MTUS2: variants seen among roughly 807,000 people sequenced by gnomAD.
MTUS2 encodes microtubule associated scaffold protein 2.
A neutral mutation model predicts 114.1 loss-of-function variants in MTUS2; 40 were observed. The ratio of observed to expected loss-of-function variants is 0.35; its 90% CI spans 0.27 to 0.46. MTUS2 has a LOEUF of 0.46. Among genes scored for constraint, MTUS2 ranks in the 20% least tolerant of loss-of-function variants. The pLI is 1.00. For missense variants in MTUS2, 1,679 were observed against 1,705.4 expected (o/e 0.98, Z 0.27); for synonymous variants, 688 against 672.0 (o/e 1.02, Z -0.37).
At chr13:29,139,621 T>A (rs67879516) in intron 5 of MTUS2, among the ~76,000 whole-genome samples, 21,205 of 152,222 alleles carry the variant, frequency 0.14, 1,741 homozygotes, top group East Asian at 0.25. Flanking sequence ...ACTATCTCGT[T>A]ATCTTCACTC....
At chr13:28,897,866 C>G (rs1417944979) in intron 2 of MTUS2, among the ~76,000 whole-genome samples, 1 of 136,090 alleles carries the variant, frequency 7.3e-6, no homozygotes. Flanking sequence ...AACATGGACA[C>G]AAGAAGGGGA....
intron 3 of MTUS2, among the ~76,000 whole-genome samples, chr13:29,031,272 T>TGTGTGTGTGTGTGTGTGTGTGTGTG (rs1593400903): frequency 1.5e-5 from 2 of 134,212 alleles, no homozygotes. Context: ...GTGTGTGTGG[T>TGTGTGTGTGTGTGTGTGTGTGTGTG]GTGTGTTCAC....
chr13:29,383,858 G>A (rs568990480), intron 8 of MTUS2, among the ~76,000 whole-genome samples: 1 of 152,272 alleles, frequency 6.6e-6, no homozygotes, highest in East Asian at 1.9e-4. Flanking sequence ...ACCATCCACA[G>A]GCCACTTACA....
At chr13:29,262,025 C>T (rs1047268092) in intron 5 of MTUS2, among the ~76,000 whole-genome samples, 1 of 152,168 alleles carries the variant, frequency 6.6e-6, no homozygotes, top group Non-Finnish European at 1.5e-5. Flanking sequence ...TGTGACTGGG[C>T]AAATATTAAA....
At chr13:29,293,064 T>G (rs1566113670) in intron 6 of MTUS2, among the ~76,000 whole-genome samples, 1 of 152,222 alleles carries the variant, frequency 6.6e-6, no homozygotes, top group Non-Finnish European at 1.5e-5. Context: ...ATATGGAAAG[T>G]CTTTTTTAGT....
intron 2 of MTUS2, among the ~76,000 whole-genome samples, chr13:28,994,768 T>A (rs1478564689): frequency 6.6e-6 from 1 of 152,164 alleles, no homozygotes; most frequent in Admixed American, 6.5e-5. Context: ...TTCTTGTAAA[T>A]TTGTTTGAGT....
At chr13:29,303,576 C>A (rs748086344) in intron 6 of MTUS2, among the ~76,000 whole-genome samples, 1 of 151,760 alleles carries the variant, frequency 6.6e-6, no homozygotes, top group Non-Finnish European at 1.5e-5. Context: ...GACAGGCAGA[C>A]AAGAATAGAG....
Position 29,316,505 on chromosome 13 carries a change from C to A in MTUS2, c.2807-8108C>A, listed in dbSNP as rs559301278. ...CCTTCCTGCCCTCTCCCCAACACCC[C>A]GACTCTCTTCTAAGCTTTCTCACCC... On this transcript the variant is annotated intron_variant, in intron 6 of 15. Coordinates refer to ENST00000612955, the MANE Select transcript of MTUS2 (RefSeq NM_001033602.4). Among the ~76,000 whole-genome samples, 7 of 152,274 alleles carry A rather than the reference C, an allele frequency of 4.6e-5. No individual in the cohort carries two copies. The East Asian group carries it at 1.4e-3, about 29-fold the overall frequency.
chr13:29,058,346 T>G (rs1684419028), intron 4 of MTUS2, among the ~76,000 whole-genome samples: 1 of 152,016 alleles, frequency 6.6e-6, no homozygotes, highest in African/African-American at 2.4e-5. Flanking sequence ...GGGGAAATGT[T>G]CATGGGTGAT....
intron 9 of MTUS2, among the ~76,000 whole-genome samples, chr13:29,478,575 C>T (rs1401998123): frequency 6.6e-6 from 1 of 152,122 alleles, no homozygotes; most frequent in Non-Finnish European, 1.5e-5. Flanking sequence ...AGTCTTTTTC[C>T]ATCAATATTG....
intron 9 of MTUS2, among the ~76,000 whole-genome samples, chr13:29,475,297 G>A (rs377292639): frequency 5.7e-4 from 87 of 152,320 alleles, no homozygotes; most frequent in African/African-American, 1.9e-3. Context: ...TCGTATAAAA[G>A]TCTAGCACAT....
chr13:29,246,255 A>C (rs1228748318), intron 5 of MTUS2, among the ~76,000 whole-genome samples: 2 of 152,212 alleles, frequency 1.3e-5, no homozygotes, highest in Non-Finnish European at 2.9e-5. Flanking sequence ...AAGGATTTAA[A>C]AGGGACAGCA....
chr13:29,090,905 T>A (rs1022327766), intron 4 of MTUS2, among the ~76,000 whole-genome samples: 7 of 152,192 alleles, frequency 4.6e-5, no homozygotes, highest in Non-Finnish European at 1.0e-4. Flanking sequence ...CAGGCAGTTC[T>A]CCCCATGAAT....
At chr13:28,918,398 T>G (rs560366358) in intron 2 of MTUS2, among the ~76,000 whole-genome samples, 1 of 152,164 alleles carries the variant, frequency 6.6e-6, no homozygotes, top group East Asian at 1.9e-4. Flanking sequence ...CTTGCTGAAT[T>G]GACCACCTTA....
chr13:29,271,441 C>T (rs773296762), intron 5 of MTUS2, among the ~76,000 whole-genome samples: 25 of 152,344 alleles, frequency 1.6e-4, no homozygotes, highest in Non-Finnish European at 3.1e-4. Context: ...CATCCCTTCT[C>T]CTTCACAGTT....
intron 9 of MTUS2, among the ~76,000 whole-genome samples, chr13:29,455,840 G>C (rs1056448326): frequency 2.0e-5 from 3 of 152,072 alleles, no homozygotes. Flanking sequence ...AATTAGCTGG[G>C]CATGGTGGTG....
At position 28,865,338 on chromosome 13, in the gene MTUS2, G is replaced by GGA. The variant is rs375034680; in HGVS notation, c.-243+25490_-243+25491dup. On this transcript the variant is annotated intron_variant, in intron 2 of 15. Coordinates refer to ENST00000612955, the MANE Select transcript of MTUS2 (RefSeq NM_001033602.4). Reference sequence around the variant, plus strand: ...TCAGAGTAATGAGCATGGTGCTAATGGAGTCCTTTTTATTTTCATGGTGGT... The same window carrying GGA: ...TCAGAGTAATGAGCATGGTGCTAATGGAGAGTCCTTTTTATTTTCATGGTGGT... Among the ~76,000 whole-genome samples the GGA allele has an allele frequency of 8.1e-3, 1,228 of 152,270 alleles. 14 individuals carry two copies. The highest frequency in any genetic ancestry group is 0.028 in the African/African-American group (1,164 of 41,556).
intron 8 of MTUS2, among the ~76,000 whole-genome samples, chr13:29,423,894 C>T (rs1275674826): frequency 6.7e-6 from 1 of 149,832 alleles, no homozygotes; most frequent in Non-Finnish European, 1.5e-5. Context: ...GATGGAGTCT[C>T]ACTTTTGTCG....
chr13:29,153,653 C>A (rs562144900), intron 5 of MTUS2, among the ~76,000 whole-genome samples: 1 of 152,308 alleles, frequency 6.6e-6, no homozygotes, highest in East Asian at 1.9e-4. Flanking sequence ...CACTGCCCAT[C>A]TCCAGTTCTC....
Sources: gnomAD v4.1 joint callset for allele counts (sites outside exome capture counted in the v4.1 genomes callset) on GRCh38, gnomAD v4.1.1 for gene constraint, MANE v1.5 for transcripts, NCBI Gene and HGNC (gene_info 2026-07-23, HGNC 2026-07-21) for gene names.